BCL2L14: variants seen among roughly 807,000 people sequenced by gnomAD.
BCL2L14 encodes apoptosis facilitator Bcl-2-like protein 14.
A neutral mutation model predicts 35.3 loss-of-function variants in BCL2L14; 27 were observed. The observed-to-expected ratio is 0.76, with a 90% CI of 0.56 to 1.05. The LOEUF (loss-of-function observed/expected upper bound fraction) is 1.05, where lower values mean the gene tolerates loss of function less well. Ranked by LOEUF, BCL2L14 falls within the 50% of genes least tolerant of loss-of-function variation. The pLI, the probability that BCL2L14 is intolerant of heterozygous loss-of-function variation, is 0.00. For synonymous variants in BCL2L14, 139 were observed against 145.9 expected, an observed-to-expected ratio of 0.95 and a Z score of 0.34; for missense variants, 377 against 382.6, an observed-to-expected ratio of 0.99 and a Z score of 0.12.
At chr12:12,095,423 A>C (rs1949294799) in intron 5 of BCL2L14, 1 of 985,232 alleles carries the variant, frequency 1.0e-6, no homozygotes, top group African/African-American at 1.7e-5. Context: ...ATACCAAATA[A>C]AAAGCCAACA....
chr12:12,084,537 C>T (rs536342992), intron 2 of BCL2L14, among the ~76,000 whole-genome samples: 9 of 152,268 alleles, frequency 5.9e-5, no homozygotes, highest in African/African-American at 1.7e-4. Context: ...ACCCTGTTGG[C>T]CTGCTCTTCC....
rs778277915 is a variant in BCL2L14 at position 12,079,652 on chromosome 12, G to T, written c.347G>T (p.Gly116Val). The T allele has an allele frequency of 4.3e-6, 7 of 1,614,180 alleles. No homozygotes were observed. In the South Asian group the frequency reaches 7.7e-5, roughly 18 times the overall value. The change falls in exon 2 of 6, where the codon GGT becomes GTT. Residue 116 changes from glycine to valine, a missense_variant. Coordinates refer to ENST00000308721, the MANE Select transcript of BCL2L14 (RefSeq NM_138723.2). ...ACGCCTGCCAAGGTCTCTGCTCAGG[G>T]TCAAAGGACGTTGGAATACCAAGAT... The part of the protein sequence containing the change: ...QSTPAKVSAQ[G>V]QRTLEYQDSH...
At chr12:12,066,721 T>A (rs568331839), upstream of BCL2L14, among the ~76,000 whole-genome samples, 1,702 of 150,270 alleles carry the variant, frequency 0.011, 21 homozygotes, top group Middle Eastern at 0.024. Flanking sequence ...TATTATTTTT[T>A]TTTTTTTTTT....
chr12:12,055,301 C>T (rs574781336), intron 2 of BCL2L14: 1 of 152,216 alleles, frequency 6.6e-6, no homozygotes, highest in Non-Finnish European at 1.5e-5. Context: ...CATCTCATGA[C>T]ATCGTTGTCA....
upstream of BCL2L14, among the ~76,000 whole-genome samples, chr12:12,067,619 T>A (rs573184975): frequency 6.6e-6 from 1 of 152,294 alleles, no homozygotes; most frequent in East Asian, 1.9e-4. Flanking sequence ...GTCCTGTGTC[T>A]CCTTTTTCTC....
intron 2 of BCL2L14, among the ~76,000 whole-genome samples, chr12:12,081,879 AG>A (rs1948933604): frequency 6.6e-6 from 1 of 152,114 alleles, no homozygotes; most frequent in African/African-American, 2.4e-5. Flanking sequence ...TTTAAAAGAA[AG>A]GCCCCCTCCT....
chr12:12,080,289 G>A (rs920530630), intron 2 of BCL2L14, among the ~76,000 whole-genome samples: 5 of 151,666 alleles, frequency 3.3e-5, no homozygotes, highest in African/African-American at 1.2e-4. Context: ...AAATAAGCTT[G>A]TTTCCCAAAT....
chr12:12,056,732 C>G (rs112348788), intron 2 of BCL2L14, among the ~76,000 whole-genome samples: 6,678 of 152,246 alleles, frequency 0.044, 178 homozygotes, highest in Middle Eastern at 0.082. Context: ...ACTCAGGAGG[C>G]TGAGGCAGGA....
chr12:12,059,727 T>C (rs1033350501), intron 2 of BCL2L14, among the ~76,000 whole-genome samples: 4 of 152,094 alleles, frequency 2.6e-5, no homozygotes, highest in Non-Finnish European at 5.9e-5. Flanking sequence ...CTTAAGAACT[T>C]AAAACCTCTT....
Position 12,099,263 on chromosome 12 carries a change from G to A in BCL2L14, c.*275G>A, listed in dbSNP as rs531308205. ...GATAAGTGGTGATGTTGTTTCAAAC[G>A]TTCAGAACAGATACCATCATCCTGC... On this transcript the variant is annotated 3_prime_UTR_variant, in exon 6 of 6. Transcript: ENST00000308721. 9.1e-6 allele frequency: 4 copies of A among 438,994 alleles called. No homozygotes were observed. The highest frequency in any genetic ancestry group is 1.6e-5 in the Non-Finnish European group (4 of 242,686). 27.2% of individuals were successfully genotyped at this position (438,994 alleles called of 1,614,324 possible).
chr12:12,091,193 C>T (rs894227815), intron 4 of BCL2L14, among the ~76,000 whole-genome samples: 7 of 152,236 alleles, frequency 4.6e-5, no homozygotes, highest in African/African-American at 7.2e-5. Flanking sequence ...AGTTTAGACT[C>T]GCATTTGCTT....
chr12:12,068,032 C>T (rs1948614251), upstream of BCL2L14: 1 of 393,734 alleles, frequency 2.5e-6, no homozygotes, highest in African/African-American at 2.1e-5. Context: ...CCCCGGCCCC[C>T]TGCCAGGCTC....
In BCL2L14 at chr12:12,094,689, G is replaced by A; in HGVS notation, c.704G>A (p.Gly235Asp). The A allele has an allele frequency of 3.1e-6, 5 of 1,614,208 alleles. No individual in the cohort carries two copies. The highest frequency in any genetic ancestry group is 4.2e-6 in the Non-Finnish European group (5 of 1,180,040). ...CTGAAGAAAGATAAGGCTTTGATGG[G>A]CCACTTCCAGGATGGGCTGTCCTAC... ...RKLKKDKALM[G>D]HFQDGLSYSV... The change falls in exon 5 of 6, where the codon GGC (glycine) becomes GAC (aspartate). Residue 235 changes from glycine (G) to aspartate (D), a missense_variant. Transcript: ENST00000308721.
At chr12:12,081,251 T>A (rs528354847) in intron 2 of BCL2L14, among the ~76,000 whole-genome samples, 64 of 151,744 alleles carry the variant, frequency 4.2e-4, no homozygotes, top group Admixed American at 1.5e-3. Context: ...GAGTTTGAGA[T>A]CAGCCTGGCA....
intron 2 of BCL2L14, chr12:12,051,890 C>A (rs768825325): frequency 3.3e-5 from 5 of 152,074 alleles, no homozygotes; most frequent in Non-Finnish European, 7.4e-5. Flanking sequence ...ATCATATAGG[C>A]ATGGGGAAAG....
At chr12:12,053,334 G>A (rs1175527442) in intron 2 of BCL2L14, among the ~76,000 whole-genome samples, 1 of 152,014 alleles carries the variant, frequency 6.6e-6, no homozygotes. Flanking sequence ...TTTCTTCCTC[G>A]AAAAACACAA....
At chr12:12,076,824 G>A (rs1487551378) in intron 1 of BCL2L14, among the ~76,000 whole-genome samples, 1 of 152,172 alleles carries the variant, frequency 6.6e-6, no homozygotes, top group African/African-American at 2.4e-5. Context: ...CATCCAGCAG[G>A]CCCTCAGGGG....
chr12:12,070,259 A>G (rs535990612), upstream of BCL2L14, among the ~76,000 whole-genome samples: 1 of 152,346 alleles, frequency 6.6e-6, no homozygotes, highest in Admixed American at 6.5e-5. Context: ...TAGAGTGTAA[A>G]GCCAGAAAGA....
At chr12:12,088,862 G>C (rs1949105457) in intron 3 of BCL2L14, among the ~76,000 whole-genome samples, 1 of 151,246 alleles carries the variant, frequency 6.6e-6, no homozygotes, top group African/African-American at 2.4e-5. Context: ...CTGGAGGAGA[G>C]GAGGAGGCCT....
Sources: gnomAD v4.1 joint callset for allele counts (sites outside exome capture counted in the v4.1 genomes callset) on GRCh38, gnomAD v4.1.1 for gene constraint, MANE v1.5 for transcripts, NCBI Gene and HGNC (gene_info 2026-07-23, HGNC 2026-07-21) for gene names.